The following TRAPPC2 variants were observed in gnomAD, a reference collection of about 807,000 sequenced individuals.
TRAPPC2 encodes the protein trafficking protein particle complex subunit 2, also known as sedlin.
In TRAPPC2, 4 loss-of-function variants were observed where a neutral mutation model predicts 10.0. The ratio of observed to expected loss-of-function variants is 0.40; its 90% confidence interval spans 0.20 to 0.92. TRAPPC2 has a LOEUF of 0.92. Ranked by LOEUF, TRAPPC2 falls within the 40% of genes least tolerant of loss-of-function variation. The pLI is 0.35. For missense variants in TRAPPC2, 52 were observed against 108.7 expected, an observed-to-expected ratio of 0.48 and a Z score of 2.32; for synonymous variants, 36 against 37.3, an observed-to-expected ratio of 0.97 and a Z score of 0.12.
intron 2 of TRAPPC2, among the ~76,000 whole-genome samples, chrX:13,729,725 A>G (rs1410164069): frequency 5.4e-5 from 6 of 111,433 alleles, no homozygotes; most frequent in African/African-American, 9.8e-5. Flanking sequence ...CCTGACCAAC[A>G]TGGAGAAACC....
Position 13,714,346 on chromosome X carries a change from T to C in TRAPPC2, c.*61A>G. The C allele has an allele frequency of 1.4e-6, 1 of 730,830 alleles. No individual in the cohort carries two copies. The allele number at this position is 730,830 out of a possible 1,213,427, so 60.2% of individuals were successfully genotyped here. On this transcript the variant is annotated 3_prime_UTR_variant, in exon 6 of 6. Transcript: ENST00000380579. ...GGCTATTTAATCAAGTAACTTACAA[T>C]GTACACATTCCTGAGTATACACCAT... is the stretch of plus-strand genomic sequence containing the variant.
At position 13,716,604 on chromosome X, in the gene TRAPPC2, C is replaced by G. The variant is rs762297962; in HGVS notation, c.168G>C (p.Ser56=). Residue 56 remains serine, a synonymous_variant, in exon 4 of 6, where the codon TCG becomes TCC. Transcript: ENST00000380579. ...LDLVDENMWL[S]NNMYLKTVDK... is the part of the protein sequence containing the mutation. ...CCACAGTTTTCAAGTACATGTTGTT[C>G]GATAGCCACATGTTCTCATCTACGA... 1 of 1,211,247 alleles carries G rather than the reference C, an allele frequency of 8.3e-7. No individual in the cohort carries two copies. The highest frequency in any genetic ancestry group is 1.8e-5 in the South Asian group (1 of 56,904).
At chrX:13,716,230 CT>C in intron 4 of TRAPPC2, 141 bp from the exon 5 acceptor site, 1 of 711,119 alleles carries the variant, frequency 1.4e-6, no homozygotes, top group Non-Finnish European at 2.0e-6. Flanking sequence ...TTAAAATTAG[CT>C]TAGTTTTATC....
intron 2 of TRAPPC2, among the ~76,000 whole-genome samples, chrX:13,728,704 C>T (rs1055487923): frequency 8.9e-6 from 1 of 111,946 alleles, no homozygotes; most frequent in Admixed American, 9.5e-5. Context: ...ACAAGGATGC[C>T]CTCTCTCACC....
At chrX:13,719,417 C>A (rs755086074) in intron 3 of TRAPPC2, among the ~76,000 whole-genome samples, 36 of 111,144 alleles carry the variant, frequency 3.2e-4, no homozygotes, top group Non-Finnish European at 6.2e-4. Flanking sequence ...ACAGGCTCAA[C>A]CCAGCCAGGA....
At chrX:13,732,159 C>T (rs950985219) in intron 2 of TRAPPC2, among the ~76,000 whole-genome samples, 1 of 111,795 alleles carries the variant, frequency 8.9e-6, no homozygotes, top group Non-Finnish European at 1.9e-5. Context: ...CTGATGTCCT[C>T]TTCAATAATA....
rs766005965 is a variant in TRAPPC2, at chrX:13,715,806, G to A, written c.324+198C>T. The A allele has an allele frequency of 1.2e-5, 11 of 951,954 alleles. No homozygotes were observed. In the South Asian group the frequency reaches 3.1e-4, roughly 27 times the overall value. The allele number at this position is 951,954 out of a possible 1,213,427, so 78.5% of individuals were successfully genotyped here. A position where few individuals can be genotyped will look rare whatever the true frequency, so the allele number is the denominator to read the frequency against. ...ACAATCATCTAAAGGTAACTACCAT[G>A]AAGTTGTGTTCCTAAATACATATTC... is the stretch of plus-strand genomic sequence containing the variant. On this transcript the variant is annotated intron_variant, in intron 5 of 5. Transcript: ENST00000380579.
rs1432217628 is a variant in TRAPPC2 at position 13,712,439 on chromosome X, A to G, written c.*1968T>C. 1 of 112,435 alleles carries G rather than the reference A, an allele frequency of 8.9e-6. No homozygotes were observed. Among genetic ancestry groups the G allele is most frequent in the East Asian group, 2.8e-4 (1 of 3,620 alleles). 9.3% of individuals were successfully genotyped at this position (112,435 alleles called of 1,213,427 possible). On this transcript the variant is annotated 3_prime_UTR_variant, in exon 6 of 6. Transcript: ENST00000380579. ...CATTTACTATTTTACATTAAGATCT[A>G]CTTATAGGAACAAAGAGACAATTCC...
intron 2 of TRAPPC2, among the ~76,000 whole-genome samples, chrX:13,722,994 C>T (rs1219246711): frequency 3.7e-5 from 4 of 107,412 alleles, no homozygotes; most frequent in South Asian, 8.3e-4. Context: ...ACCTGGGAGG[C>T]GGAGCCAGAA....
intron 3 of TRAPPC2, among the ~76,000 whole-genome samples, chrX:13,718,662 A>T (rs757847352): frequency 4.4e-5 from 5 of 112,464 alleles, no homozygotes; most frequent in African/African-American, 1.6e-4. Context: ...AATCCCGTAA[A>T]CAAATGCCTA....
chrX:13,731,508 G>A (rs968719512), intron 2 of TRAPPC2, among the ~76,000 whole-genome samples: 4 of 112,073 alleles, frequency 3.6e-5, no homozygotes, highest in East Asian at 5.6e-4. Context: ...GTCATTTTAC[G>A]AAATATTTTG....
At chrX:13,730,191 C>T (rs1225060084) in intron 2 of TRAPPC2, among the ~76,000 whole-genome samples, 2 of 110,053 alleles carry the variant, frequency 1.8e-5, no homozygotes, top group Non-Finnish European at 3.8e-5. Context: ...GGGCTAATAT[C>T]CAGAATCTAC....
intron 2 of TRAPPC2, among the ~76,000 whole-genome samples, chrX:13,722,403 T>C (rs895977973): frequency 3.6e-5 from 4 of 110,464 alleles, no homozygotes; most frequent in Non-Finnish European, 7.6e-5. Context: ...AGGATGCTGT[T>C]ACCAACTACC....
chrX:13,720,869 T>C (rs1400802619), intron 2 of TRAPPC2: 1 of 109,683 alleles, frequency 9.1e-6, no homozygotes, highest in Non-Finnish European at 1.9e-5. Flanking sequence ...CTACATGAAA[T>C]ACAAAAAGTA....
At chrX:13,726,858 A>ACCCATC (rs1437293463) in intron 2 of TRAPPC2, among the ~76,000 whole-genome samples, 1 of 111,952 alleles carries the variant, frequency 8.9e-6, no homozygotes, top group Non-Finnish European at 1.9e-5. Flanking sequence ...TATTCAGGAA[A>ACCCATC]CCCATCTGAT....
chrX:13,734,225 T>G lies in TRAPPC2; in HGVS notation c.-161-40A>C, dbSNP rs147613914. The stretch of plus-strand genomic sequence containing the variant: ...AGCAAGGATACAGCTAAACCTACAA[T>G]GCACAGGACAGCCTCCCAAAACAAA... On this transcript the variant is annotated intron_variant, in intron 1 of 5. Coordinates refer to ENST00000380579, the MANE Select transcript of TRAPPC2 (RefSeq NM_001011658.4). 1.1e-3 allele frequency: 479 copies of G among 425,183 alleles called. 7 individuals are homozygous for G. The East Asian group carries it at 0.013, about 11-fold the overall frequency. 35.0% of individuals were successfully genotyped at this position (425,183 alleles called of 1,213,427 possible).
Position 13,734,578 on chromosome X carries a change from C to T in TRAPPC2, c.-215G>A, listed in dbSNP as rs565023344. The T allele has an allele frequency of 1.4e-4, 78 of 574,578 alleles. 1 individual carries two copies. In the South Asian group the frequency reaches 4.9e-3, roughly 36 times the overall value. 47.4% of individuals were successfully genotyped at this position (574,578 alleles called of 1,213,427 possible). A position where few individuals can be genotyped will look rare whatever the true frequency, so the allele number is the denominator to read the frequency against. On this transcript the variant is annotated 5_prime_UTR_variant, in exon 1 of 6. Coordinates refer to ENST00000380579, the MANE Select transcript of TRAPPC2 (RefSeq NM_001011658.4). ...CAATGTCAGTTTCCGCGGAAGAGAC[C>T]CGCGCCCCGAACCTGTAGCCAGAAC...
intron 3 of TRAPPC2, among the ~76,000 whole-genome samples, chrX:13,719,106 G>A (rs1396960150): frequency 9.0e-6 from 1 of 111,411 alleles, no homozygotes; most frequent in African/African-American, 3.3e-5. Flanking sequence ...GCAGTGAGCT[G>A]AGATCGTGTC....
chrX:13,720,159 A>C (rs1243065980), intron 2 of TRAPPC2, 177 bp from the exon 3 acceptor site: 1 of 306,415 alleles, frequency 3.3e-6, no homozygotes, highest in Non-Finnish European at 5.7e-6. Context: ...GAATAAACAA[A>C]TTATGTATCT....
Sources: gnomAD v4.1 joint callset for allele counts (sites outside exome capture counted in the v4.1 genomes callset) on GRCh38, gnomAD v4.1.1 for gene constraint, MANE v1.5 for transcripts, NCBI Gene and HGNC (gene_info 2026-07-23, HGNC 2026-07-21) for gene names.